Variants in CPEB3 observed in about 807,000 individuals in gnomAD.
The protein encoded by CPEB3 is cytoplasmic polyadenylation element-binding protein 3.
A neutral mutation model predicts 67.2 loss-of-function variants in CPEB3; 20 were observed. That is an observed-to-expected ratio of 0.30 (90% CI 0.21 to 0.43). CPEB3 has a LOEUF of 0.43. Ranked by LOEUF, CPEB3 falls within the 20% of genes least tolerant of loss-of-function variation. CPEB3 has a pLI of 1.00. For missense variants in CPEB3, 746 were observed against 968.6 expected, an observed-to-expected ratio of 0.77 and a Z score of 3.05; for synonymous variants, 376 against 393.1, an observed-to-expected ratio of 0.96 and a Z score of 0.51.
chr10:92,146,290 T>C, intron 4 of CPEB3, among the ~76,000 whole-genome samples: 1 of 152,028 alleles, frequency 6.6e-6, no homozygotes, highest in East Asian at 1.9e-4. Context: ...CAAAATAAAA[T>C]CTAAATTTAA....
At chr10:92,081,241 A>G (rs1564762084) in intron 9 of CPEB3, 79 bp downstream of exon 9, 5 of 1,463,112 alleles carry the variant, frequency 3.4e-6, no homozygotes, top group Non-Finnish European at 1.9e-6. Flanking sequence ...TATGATCATA[A>G]GGTGCCTTTC....
At chr10:92,243,656 A>T (rs553717426) in intron 1 of CPEB3, among the ~76,000 whole-genome samples, 98 of 152,272 alleles carry the variant, frequency 6.4e-4, no homozygotes, top group African/African-American at 2.1e-3. Context: ...TAGGCAAGGG[A>T]GGGGGAACTA....
intron 4 of CPEB3, 151 bp downstream of exon 4, chr10:92,180,812 A>G: frequency 1.7e-6 from 1 of 573,944 alleles, no homozygotes; most frequent in Middle Eastern, 3.0e-4. Flanking sequence ...CTGCTGGTCC[A>G]GGGACCACAC....
At chr10:92,170,135 C>A (rs1847935759) in intron 4 of CPEB3, among the ~76,000 whole-genome samples, 1 of 152,196 alleles carries the variant, frequency 6.6e-6, no homozygotes, top group Admixed American at 6.5e-5. Flanking sequence ...CCCTAGGAAA[C>A]CCCTAGTCCA....
At chr10:92,086,210 T>C (rs1051905569) in intron 8 of CPEB3, among the ~76,000 whole-genome samples, 1 of 152,186 alleles carries the variant, frequency 6.6e-6, no homozygotes, top group African/African-American at 2.4e-5. Context: ...GCAAGAGGCA[T>C]AGGGCACCTT....
chr10:92,258,526 T>G (rs893065346), intron 1 of CPEB3, among the ~76,000 whole-genome samples: 5 of 150,766 alleles, frequency 3.3e-5, no homozygotes, highest in Non-Finnish European at 7.4e-5. Flanking sequence ...TTTCAGATTA[T>G]GACACAAGTA....
chr10:92,185,636 T>G (rs1223653992), intron 3 of CPEB3, among the ~76,000 whole-genome samples: 1 of 152,162 alleles, frequency 6.6e-6, no homozygotes, highest in Non-Finnish European at 1.5e-5. Flanking sequence ...AGGGAACAAC[T>G]GCTGTACCTT....
At chr10:92,054,306 G>T (rs529821416) in intron 9 of CPEB3, among the ~76,000 whole-genome samples, 32 of 151,834 alleles carry the variant, frequency 2.1e-4, no homozygotes, top group African/African-American at 7.5e-4. Flanking sequence ...AAAAAAAGAT[G>T]TTCATATTTA....
At chr10:92,142,989 C>A in intron 6 of CPEB3, 40 bp downstream of exon 6, 2 of 1,443,362 alleles carry the variant, frequency 1.4e-6, no homozygotes, top group Non-Finnish European at 1.9e-6. Context: ...CATGCTATCT[C>A]TCCAACAGGC....
intron 1 of CPEB3, among the ~76,000 whole-genome samples, chr10:92,268,617 A>G (rs925046667): frequency 3.3e-5 from 5 of 152,230 alleles, no homozygotes; most frequent in Admixed American, 1.3e-4. Flanking sequence ...TTGTAAACAT[A>G]AGTTGGTCTC....
intron 2 of CPEB3, among the ~76,000 whole-genome samples, chr10:92,235,683 G>T (rs1275448253): frequency 6.6e-6 from 1 of 152,220 alleles, no homozygotes; most frequent in Non-Finnish European, 1.5e-5. Context: ...ATTTGTTTAT[G>T]ATTACAAAGC....
chr10:92,242,627 G>A lies in CPEB3; in HGVS notation c.-11-2266C>T, dbSNP rs182403959. On this transcript the variant is annotated intron_variant, in intron 1 of 9. Coordinates refer to ENST00000265997, the MANE Select transcript of CPEB3 (RefSeq NM_014912.5). ...AATTTTAATATCACTCTGCTTTTCC[G>A]GTTGCTTGTATCAATGCTTGCTGTT... Among the ~76,000 whole-genome samples the A allele has an allele frequency of 2.3e-3, 348 of 152,160 alleles. 1 individual carries two copies. Among genetic ancestry groups the A allele is most frequent in the African/African-American group, 8.1e-3 (336 of 41,506 alleles).
At chr10:92,216,346 G>A (rs1275621394) in intron 2 of CPEB3, 10 of 1,605,484 alleles carry the variant, frequency 6.2e-6, no homozygotes, top group Non-Finnish European at 8.5e-6. Context: ...CCAAAATAAA[G>A]GCAGATCCCG....
At chr10:92,153,552 G>A (rs573303279) in intron 4 of CPEB3, among the ~76,000 whole-genome samples, 9 of 152,216 alleles carry the variant, frequency 5.9e-5, no homozygotes, top group East Asian at 3.9e-4. Context: ...TTGGGAGGCC[G>A]AGGCGATCCC....
At chr10:92,276,219 G>A (rs1385046841) in intron 1 of CPEB3, among the ~76,000 whole-genome samples, 2 of 151,318 alleles carry the variant, frequency 1.3e-5, no homozygotes, top group Non-Finnish European at 2.9e-5. Context: ...TCAGTTGATG[G>A]ACAATTGGGT....
intron 7 of CPEB3, among the ~76,000 whole-genome samples, chr10:92,100,114 G>A (rs1227278540): frequency 6.6e-6 from 1 of 152,164 alleles, no homozygotes; most frequent in Non-Finnish European, 1.5e-5. Context: ...CAGCCTGGGC[G>A]ACAGAACCAG....
chr10:92,216,457 C>T, intron 2 of CPEB3: 1 of 1,612,890 alleles, frequency 6.2e-7, no homozygotes, highest in Non-Finnish European at 8.5e-7. Flanking sequence ...CTTCTCGCCG[C>T]CTCAAGCGGA....
At chr10:92,258,625 A>AAC (rs1554936345) in intron 1 of CPEB3, among the ~76,000 whole-genome samples, 1 of 32,914 alleles carries the variant, frequency 3.0e-5, no homozygotes, top group African/African-American at 2.9e-4. Flanking sequence ...ATATTTTTTG[A>AAC]ATATATATAT....
intron 9 of CPEB3, among the ~76,000 whole-genome samples, chr10:92,060,283 G>A (rs1010240113): frequency 1.3e-5 from 2 of 152,124 alleles, no homozygotes; most frequent in Non-Finnish European, 2.9e-5. Flanking sequence ...CCAGGAGGTG[G>A]AGGTTGCAGT....
Sources: allele counts gnomAD v4.1 joint callset (sites outside exome capture counted in the v4.1 genomes callset), GRCh38; gene constraint gnomAD v4.1.1; transcripts MANE v1.5; gene names NCBI Gene and HGNC (gene_info 2026-07-23, HGNC 2026-07-21).